The following SLC25A13 variants were observed in gnomAD, a reference collection of about 807,000 sequenced individuals.
SLC25A13 encodes electrogenic aspartate/glutamate antiporter SLC25A13, mitochondrial.
In SLC25A13, 70 loss-of-function variants were observed where a neutral mutation model predicts 85.5. The observed-to-expected ratio is 0.82, with a 90% CI of 0.68 to 1.00. SLC25A13 has a LOEUF of 1.00. Ranked by LOEUF, SLC25A13 falls within the 50% of genes least tolerant of loss-of-function variation. The probability of loss-of-function intolerance (pLI) is 0.00; values close to 1 mark genes in which losing one functional copy is unlikely to be tolerated. For missense variants in SLC25A13, 765 were observed against 819.8 expected (o/e 0.93, Z 0.82); for synonymous variants, 259 against 288.7 (o/e 0.90, Z 1.04).
chr7:96,152,109 T>C (rs1445727033), intron 13 of SLC25A13, among the ~76,000 whole-genome samples: 4 of 152,176 alleles, frequency 2.6e-5, no homozygotes, highest in African/African-American at 9.7e-5. Context: ...ACAGTTCTTA[T>C]CATGGCAGCC....
At chr7:96,144,793 G>A (rs1222270707) in intron 14 of SLC25A13, among the ~76,000 whole-genome samples, 1 of 152,118 alleles carries the variant, frequency 6.6e-6, no homozygotes, top group Non-Finnish European at 1.5e-5. Flanking sequence ...TCCCAGTATT[G>A]TATCATTTGC....
rs5885951 is a variant in SLC25A13 at position 96,263,026 on chromosome 7, GAAAAAA to G, written c.212+14164_212+14169del. 2.3e-5 allele frequency among the ~76,000 whole-genome samples: 3 copies of G among 133,282 alleles called. No individual in the cohort carries two copies. The Admixed American group carries it at 2.3e-4, about 10-fold the overall frequency. The allele number at this position is 133,282 out of a possible 152,430, so 87.4% of individuals were successfully genotyped here. A position where few individuals can be genotyped will look rare whatever the true frequency, so the allele number is the denominator to read the frequency against. The stretch of plus-strand genomic sequence containing the variant: ...TTCATCCTTTGGTCCAACCATCTAG[GAAAAAA>G]AAAAAAAAAAAAACAGCAGAGCTAC... On this transcript the variant is annotated intron_variant, in intron 3 of 17. Transcript: ENST00000265631.
At chr7:96,122,814 T>C (rs1308475839) in intron 15 of SLC25A13, among the ~76,000 whole-genome samples, 1 of 152,216 alleles carries the variant, frequency 6.6e-6, no homozygotes, top group African/African-American at 2.4e-5. Flanking sequence ...ATGTTTAGAT[T>C]TTTTAAAAGC....
chr7:96,171,042 C>G (rs780376808), intron 12 of SLC25A13, among the ~76,000 whole-genome samples: 1 of 152,182 alleles, frequency 6.6e-6, no homozygotes, highest in Non-Finnish European at 1.5e-5. Context: ...TGGAGTCAGA[C>G]AAGTGTGATT....
rs1261058897 is a variant in SLC25A13 at position 96,121,734 on chromosome 7, G to A, written c.1762C>T (p.Arg588Ter). ...LWKGAGARVFRSSPQFGVTLL... is the reference protein window; with the variant it reads ...LWKGAGARVF ...GTTACACCAAACTGGGGTGAGGATC[G>A]AAATACACGAGCTTTAAAAAAATGG... Residue 588 changes from arginine to a stop codon, truncating the protein, a stop_gained, in exon 17 of 18, where the codon CGA (arginine) becomes TGA (stop). Transcript: ENST00000265631. LOFTEE classifies it high-confidence loss of function. 1.2e-6 allele frequency: 2 copies of A among 1,613,976 alleles called. No individual in the cohort carries two copies. Among genetic ancestry groups the A allele is most frequent in the African/African-American group, 1.3e-5 (1 of 74,900 alleles).
chr7:96,281,073 T>C (rs889619539), intron 2 of SLC25A13, among the ~76,000 whole-genome samples: 7 of 152,046 alleles, frequency 4.6e-5, no homozygotes, highest in African/African-American at 1.2e-4. Context: ...ATTCACACAA[T>C]GGAATACAAC....
Position 96,317,417 on chromosome 7 carries a change from A to G in SLC25A13, c.15+4525T>C, listed in dbSNP as rs73405055. 7.1e-3 allele frequency among the ~76,000 whole-genome samples: 1,077 copies of G among 152,216 alleles called. 14 individuals are homozygous for G. The highest frequency in any genetic ancestry group is 0.024 in the African/African-American group (997 of 41,520). On this transcript the variant is annotated intron_variant, in intron 1 of 17. Transcript: ENST00000265631. ...GTTGGAACTGAATTTTAAATGAATC[A>G]ACAATGAAACACATTTGGAACTGAA...
intron 4 of SLC25A13, among the ~76,000 whole-genome samples, chr7:96,224,806 GCTAA>G (rs1272633196): frequency 6.6e-6 from 1 of 152,112 alleles, no homozygotes; most frequent in East Asian, 1.9e-4. Context: ...ACCACAATGG[GCTAA>G]CTGACACCTA....
intron 11 of SLC25A13, among the ~76,000 whole-genome samples, chr7:96,172,471 T>C (rs1794042003): frequency 1.3e-5 from 2 of 151,756 alleles, no homozygotes; most frequent in Admixed American, 1.3e-4. Flanking sequence ...GACAGGAGAA[T>C]TGCTTGAACC....
intron 5 of SLC25A13, among the ~76,000 whole-genome samples, chr7:96,203,555 T>C (rs942477317): frequency 6.6e-6 from 1 of 152,184 alleles, no homozygotes; most frequent in Non-Finnish European, 1.5e-5. Context: ...AGGACAAATA[T>C]TAATACAAGA....
chr7:96,220,924 T>C (rs972880643), intron 4 of SLC25A13, among the ~76,000 whole-genome samples: 4 of 152,200 alleles, frequency 2.6e-5, no homozygotes, highest in Admixed American at 6.5e-5. Context: ...TTCACATGGT[T>C]ATTTTGATTT....
intron 5 of SLC25A13, among the ~76,000 whole-genome samples, chr7:96,204,845 G>A (rs2116701641): frequency 1.3e-5 from 2 of 152,232 alleles, no homozygotes; most frequent in South Asian, 4.1e-4. Flanking sequence ...TGAATTGGAT[G>A]GTTTGCCCGA....
At chr7:96,246,897 C>T (rs564572430) in intron 3 of SLC25A13, among the ~76,000 whole-genome samples, 2 of 152,208 alleles carry the variant, frequency 1.3e-5, no homozygotes, top group Admixed American at 1.3e-4. Flanking sequence ...TCAAATTAAC[C>T]CAATTTTTAC....
At chr7:96,180,191 T>C (rs1048905865) in intron 11 of SLC25A13, among the ~76,000 whole-genome samples, 107 of 152,300 alleles carry the variant, frequency 7.0e-4, no homozygotes, top group African/African-American at 2.4e-3. Flanking sequence ...TTTTGCCAAT[T>C]TCCTCAAAGG....
At chr7:96,315,354 A>G (rs2117035032) in intron 1 of SLC25A13, among the ~76,000 whole-genome samples, 1 of 152,312 alleles carries the variant, frequency 6.6e-6, no homozygotes, top group South Asian at 2.1e-4. Flanking sequence ...CTCAGGCCAC[A>G]CCCAAGTCCA....
chr7:96,138,969 T>C (rs1005294036), intron 14 of SLC25A13, among the ~76,000 whole-genome samples: 5 of 152,166 alleles, frequency 3.3e-5, no homozygotes, highest in Non-Finnish European at 5.9e-5. Flanking sequence ...CCACACAGCA[T>C]TGGAAATTAC....
At chr7:96,134,483 C>T (rs1412845147) in intron 14 of SLC25A13, among the ~76,000 whole-genome samples, 1 of 151,976 alleles carries the variant, frequency 6.6e-6, no homozygotes, top group Non-Finnish European at 1.5e-5. Context: ...CTGTCTTATG[C>T]TATGTGGCTT....
At position 96,121,557 on chromosome 7, in the gene SLC25A13, C is replaced by G. The variant is rs1791505418; in HGVS notation, c.1841+98G>C. The G allele has an allele frequency of 5.6e-5, 81 of 1,435,284 alleles. 1 individual carries two copies. The South Asian group carries it at 8.3e-4, about 15-fold the overall frequency. 88.9% of individuals were successfully genotyped at this position (1,435,284 alleles called of 1,614,324 possible). A position where few individuals can be genotyped will look rare whatever the true frequency, so the allele number is the denominator to read the frequency against. Reference sequence around the variant, plus strand: ...ATTTCAACATTTCCCTAAATCTCTTCTATTTTATTATAGAGACTAGACTGA... The same window carrying G: ...ATTTCAACATTTCCCTAAATCTCTTGTATTTTATTATAGAGACTAGACTGA... On this transcript the variant is annotated intron_variant, in intron 17 of 17. Transcript: ENST00000265631.
At chr7:96,314,867 ACCTTTCCAAC>A (rs1454182543) in intron 1 of SLC25A13, among the ~76,000 whole-genome samples, 1 of 152,164 alleles carries the variant, frequency 6.6e-6, no homozygotes, top group East Asian at 1.9e-4. Context: ...CTCTCCCCAC[ACCTTTCCAAC>A]CCTCTATTTG....
Sources: gnomAD v4.1 joint callset for allele counts (sites outside exome capture counted in the v4.1 genomes callset) on GRCh38, gnomAD v4.1.1 for gene constraint, MANE v1.5 for transcripts, NCBI Gene and HGNC (gene_info 2026-07-23, HGNC 2026-07-21) for gene names.